RYR3: variants seen among roughly 807,000 people sequenced by gnomAD.
The protein encoded by RYR3 is brain ryanodine receptor-calcium release channel.
In RYR3, 207 loss-of-function variants were observed where a neutral mutation model predicts 584.3. The ratio of observed to expected loss-of-function variants is 0.35; its 90% CI spans 0.32 to 0.40. The LOEUF (loss-of-function observed/expected upper bound fraction) is 0.40. RYR3 is among the 10% of genes least tolerant of loss of function. RYR3 has a pLI of 1.00. For missense variants in RYR3, 5,616 were observed against 6,089.2 expected (o/e 0.92, Z 2.59); for synonymous variants, 2,416 against 2,248.5 (o/e 1.07, Z -2.11).
chr15:33,376,718 CCT>C lies in RYR3; in HGVS notation c.51+65625_51+65626del, dbSNP rs373812928. Among the ~76,000 whole-genome samples the C allele has an allele frequency of 3.0e-3, 459 of 152,304 alleles. 3 individuals are homozygous for C. Among genetic ancestry groups the C allele is most frequent in the African/African-American group, 0.011 (442 of 41,566 alleles). ...CTTCATCTGTCTAAGGTCACGTTTT[CCT>C]CTGTGTTCTCTTCTAGAAGTTTTAT... On this transcript the variant is annotated intron_variant, in intron 1 of 103. Transcript: ENST00000634891.
intron 49 of RYR3, among the ~76,000 whole-genome samples, chr15:33,736,974 G>A (rs1243326984): frequency 6.6e-6 from 1 of 152,098 alleles, no homozygotes; most frequent in African/African-American, 2.4e-5. Flanking sequence ...TGGCCAGGCT[G>A]GTCTCAAACT....
At chr15:33,813,884 T>TA (rs1239224533) in intron 74 of RYR3, 1 of 230,060 alleles carries the variant, frequency 4.3e-6, no homozygotes, top group East Asian at 8.8e-5. Context: ...GGTTAGCATG[T>TA]AAAGACTTCT....
Position 33,724,087 on chromosome 15 carries a change from G to C in RYR3, c.6823G>C (p.Glu2275Gln). ...CAGCAGCACGGGGGACGATGAAGAGGAAGAAGAAATCGTGCATATGGGCAA... is the reference window on the plus strand; with the variant it reads ...CAGCAGCACGGGGGACGATGAAGAGCAAGAAGAAATCGTGCATATGGGCAA... ...REVSTGDDEE[E>Q]EEIVHMGNAI... Residue 2275 changes from glutamate to glutamine, a missense_variant, in exon 45 of 104, where the codon GAA becomes CAA. Glu to Gln is a conservative substitution (Grantham distance 29, BLOSUM62 2). Coordinates refer to ENST00000634891, the MANE Select transcript of RYR3 (RefSeq NM_001036.6). 6.2e-7 allele frequency: 1 copy of C among 1,610,986 alleles called. No homozygotes were observed. The highest frequency in any genetic ancestry group is 8.5e-7 in the Non-Finnish European group (1 of 1,177,288).
At chr15:33,582,218 G>A (rs924763127) in intron 14 of RYR3, among the ~76,000 whole-genome samples, 3 of 152,164 alleles carry the variant, frequency 2.0e-5, no homozygotes, top group African/African-American at 7.2e-5. Flanking sequence ...CCCGCCTATG[G>A]GTGGGAGGCA....
At chr15:33,856,000 G>T (rs180881457) in intron 98 of RYR3, 1 of 152,248 alleles carries the variant, frequency 6.6e-6, no homozygotes, top group Non-Finnish European at 1.5e-5. Flanking sequence ...AAGTTACAGT[G>T]TGCCAAGCTC....
At chr15:33,800,267 T>G (rs925336203) in intron 67 of RYR3, among the ~76,000 whole-genome samples, 16 of 152,152 alleles carry the variant, frequency 1.1e-4, no homozygotes, top group African/African-American at 3.9e-4. Context: ...AAAACTGGCT[T>G]TAAAGGAAAA....
In RYR3 at chr15:33,785,897, C is replaced by T; in HGVS notation, c.9504C>T (p.His3168=). ...GCTGCACCAAGGTCACCTCTGAACA[C>T]CTCAGTCTCATCCTGGGCAACATTC... is the stretch of plus-strand genomic sequence containing the variant. ...GPCCTKVTSE[H]LSLILGNILK... The change falls in exon 66 of 104, where the codon CAC becomes CAT. Residue 3168 remains histidine (H), a synonymous_variant. Coordinates refer to ENST00000634891, the MANE Select transcript of RYR3 (RefSeq NM_001036.6). 1 of 1,613,708 alleles carries T rather than the reference C, an allele frequency of 6.2e-7. No homozygotes were observed. The highest frequency in any genetic ancestry group is 8.5e-7 in the Non-Finnish European group (1 of 1,179,682).
rs3085194 is a variant in RYR3 at position 33,647,988 on chromosome 15, C to CAAAAAAA, written c.3978+543_3978+549dup. The stretch of plus-strand genomic sequence containing the variant: ...TCTCTCATTCTTCTTTAGCATCTGG[C>CAAAAAAA]AAAAAAAAAAAAAAAAAAAAAGCCT... On this transcript the variant is annotated intron_variant, in intron 30 of 103. Coordinates refer to ENST00000634891, the MANE Select transcript of RYR3 (RefSeq NM_001036.6). Among the ~76,000 whole-genome samples, 13 of 98,328 alleles carry CAAAAAAA rather than the reference C, an allele frequency of 1.3e-4. 1 individual carries two copies. Among genetic ancestry groups the CAAAAAAA allele is most frequent in the African/African-American group, 3.0e-4 (8 of 26,684 alleles). 64.5% of individuals were successfully genotyped at this position (98,328 alleles called of 152,430 possible).
intron 32 of RYR3, among the ~76,000 whole-genome samples, chr15:33,656,896 AT>A (rs2062849514): frequency 6.8e-6 from 1 of 146,406 alleles, no homozygotes. Flanking sequence ...TAGAAGCCTC[AT>A]GCAATTTGAA....
chr15:33,853,203 C>G, intron 95 of RYR3, 116 bp downstream of exon 95: 1 of 1,015,626 alleles, frequency 9.8e-7, no homozygotes, highest in Non-Finnish European at 1.4e-6. Context: ...GATAATATCT[C>G]AAGAAGAGTA....
intron 2 of RYR3, among the ~76,000 whole-genome samples, chr15:33,492,726 A>C (rs535772461): frequency 1.3e-5 from 2 of 152,250 alleles, no homozygotes; most frequent in South Asian, 2.1e-4. Context: ...AATGATGCTG[A>C]TGCCGATTGC....
At chr15:33,773,470 T>C (rs2073764569) in intron 63 of RYR3, 64 bp from the exon 64 acceptor site, 2 of 1,180,704 alleles carry the variant, frequency 1.7e-6, no homozygotes, top group Non-Finnish European at 2.5e-6. Context: ...TTTTTTTTCC[T>C]CTTCATGGAT....
In RYR3 at chr15:33,682,778, C is replaced by T. The variant is rs116685832; in HGVS notation, c.5860+12222C>T. ...CACTTGGCAAGGCCTTCTTGAGATT[C>T]TGCTAAGTCAGTGCATAAAAATCCT... On this transcript the variant is annotated intron_variant, in intron 38 of 103. Transcript: ENST00000634891. Among the ~76,000 whole-genome samples, 518 of 152,280 alleles carry T rather than the reference C, an allele frequency of 3.4e-3. 3 individuals are homozygous for T. The highest frequency in any genetic ancestry group is 0.012 in the African/African-American group (482 of 41,546).
chr15:33,551,730 A>G (rs1391879118), intron 10 of RYR3, among the ~76,000 whole-genome samples: 1 of 150,556 alleles, frequency 6.6e-6, no homozygotes, highest in Non-Finnish European at 1.5e-5. Flanking sequence ...TTCTGAGCAT[A>G]TCTTCCTCAC....
intron 1 of RYR3, among the ~76,000 whole-genome samples, chr15:33,348,247 G>C (rs894086856): frequency 7.9e-5 from 12 of 152,124 alleles, no homozygotes; most frequent in African/African-American, 2.9e-4. Context: ...TATCAAAATT[G>C]TTAGCCCATA....
intron 8 of RYR3, among the ~76,000 whole-genome samples, chr15:33,544,618 T>C (rs1402783736): frequency 6.6e-6 from 1 of 152,162 alleles, no homozygotes; most frequent in African/African-American, 2.4e-5. Context: ...CATTTCCTAA[T>C]TGATGTACTC....
intron 1 of RYR3, among the ~76,000 whole-genome samples, chr15:33,459,270 C>G (rs1185710709): frequency 6.6e-6 from 1 of 152,184 alleles, no homozygotes; most frequent in Non-Finnish European, 1.5e-5. Flanking sequence ...GAGAAAAATT[C>G]TGGTTAAAAA....
intron 16 of RYR3, among the ~76,000 whole-genome samples, chr15:33,595,768 T>G (rs987262860): frequency 1.3e-5 from 2 of 152,140 alleles, no homozygotes; most frequent in Non-Finnish European, 2.9e-5. Flanking sequence ...TTACAAGAAC[T>G]TTAAAAGCAC....
chr15:33,751,212 T>C (rs144066259), intron 57 of RYR3, among the ~76,000 whole-genome samples: 2,229 of 152,354 alleles, frequency 0.015, 36 homozygotes, highest in African/African-American at 0.051. Context: ...CATGTGTCTT[T>C]ATAGTAGAAT....
Sources: allele counts gnomAD v4.1 joint callset (sites outside exome capture counted in the v4.1 genomes callset), GRCh38; gene constraint gnomAD v4.1.1; transcripts MANE v1.5; gene names NCBI Gene and HGNC (gene_info 2026-07-23, HGNC 2026-07-21).